The following COG5 variants were observed in gnomAD, a reference collection of about 807,000 sequenced individuals.
COG5 encodes conserved oligomeric Golgi complex subunit 5.
COG5 carries 86 observed loss-of-function variants against 110.4 expected under a neutral mutation model. That is an observed-to-expected ratio of 0.78 (90% CI 0.65 to 0.93). The LOEUF (loss-of-function observed/expected upper bound fraction) is 0.93, where lower values mean the gene tolerates loss of function less well. COG5 is among the 40% of genes least tolerant of loss of function. The pLI is 0.00. For synonymous variants in COG5, 360 were observed against 334.6 expected (o/e 1.08, Z -0.83); for missense variants, 1,077 against 987.0 (o/e 1.09, Z -1.22).
intron 5 of COG5, 41 bp from the exon 6 acceptor site, chr7:107,527,398 G>C (rs375683862): frequency 6.2e-7 from 1 of 1,606,594 alleles, no homozygotes. Flanking sequence ...GATCCATGAA[G>C]TTTTATTACT....
rs187436481 is a variant in COG5, at chr7:107,204,420, C to T, written c.2376-790G>A. ...AAGTTCGTCAGTCCCTGAACCAGAT[C>T]GTCTGTTTAAGTGGAGCTAAAAAGA... On this transcript the variant is annotated intron_variant, in intron 21 of 21. Transcript: ENST00000297135. Among the ~76,000 whole-genome samples the T allele has an allele frequency of 1.4e-4, 21 of 151,940 alleles. No individual in the cohort carries two copies. The East Asian group carries it at 2.9e-3, about 21-fold the overall frequency.
At chr7:107,351,372 G>A (rs1165606897) in intron 10 of COG5, among the ~76,000 whole-genome samples, 1 of 152,130 alleles carries the variant, frequency 6.6e-6, no homozygotes, top group East Asian at 1.9e-4. Flanking sequence ...GAAAACCCAG[G>A]CAATACCATT....
At chr7:107,406,634 A>C (rs1791858705) in intron 7 of COG5, among the ~76,000 whole-genome samples, 1 of 152,180 alleles carries the variant, frequency 6.6e-6, no homozygotes, top group African/African-American at 2.4e-5. Flanking sequence ...TAAGAGAATT[A>C]AATTAAAAAA....
At position 107,309,496 on chromosome 7, in the gene COG5, C is replaced by T. The variant is rs1007095595; in HGVS notation, c.1109-11150G>A. 5.3e-5 allele frequency among the ~76,000 whole-genome samples: 8 copies of T among 152,104 alleles called. No homozygotes were observed. In the East Asian group the frequency reaches 1.5e-3, roughly 29 times the overall value. ...GGTAGGCAGAAGCTTTTTGCAGAGC[C>T]CAGTGGGAGACACAGATAAGCTAGT... On this transcript the variant is annotated intron_variant, in intron 11 of 21. Coordinates refer to ENST00000297135, the MANE Select transcript of COG5 (RefSeq NM_006348.5).
At chr7:107,222,773 G>T (rs1800034513) in intron 19 of COG5, among the ~76,000 whole-genome samples, 1 of 152,126 alleles carries the variant, frequency 6.6e-6, no homozygotes, top group Non-Finnish European at 1.5e-5. Flanking sequence ...ATAAAATGCA[G>T]ATACACCAAA....
intron 5 of COG5, among the ~76,000 whole-genome samples, chr7:107,538,805 A>G (rs1216221812): frequency 6.6e-6 from 1 of 152,144 alleles, no homozygotes; most frequent in African/African-American, 2.4e-5. Context: ...TGTTCTTAGC[A>G]GTCTACTCAA....
chr7:107,501,619 A>G (rs1356541730), intron 6 of COG5, among the ~76,000 whole-genome samples: 2 of 152,194 alleles, frequency 1.3e-5, no homozygotes. Context: ...TGGTATGAGT[A>G]TTACCTGTTA....
At chr7:107,534,808 A>G (rs1801463135) in intron 5 of COG5, among the ~76,000 whole-genome samples, 1 of 151,610 alleles carries the variant, frequency 6.6e-6, no homozygotes, top group African/African-American at 2.4e-5. Flanking sequence ...TCAGCTCTGG[A>G]CCAAGCAGAC....
intron 11 of COG5, among the ~76,000 whole-genome samples, chr7:107,318,434 CA>C (rs1808956323): frequency 6.6e-6 from 1 of 152,144 alleles, no homozygotes; most frequent in Non-Finnish European, 1.5e-5. Flanking sequence ...ATAGCCACCC[CA>C]AGGTTTTAAA....
chr7:107,255,618 T>G (rs1802825882), intron 16 of COG5, among the ~76,000 whole-genome samples: 1 of 152,116 alleles, frequency 6.6e-6, no homozygotes, highest in Non-Finnish European at 1.5e-5. Context: ...TAGACTTTCA[T>G]CTCAATTTTA....
intron 11 of COG5, among the ~76,000 whole-genome samples, chr7:107,320,657 G>A (rs1809181821): frequency 6.6e-6 from 1 of 152,124 alleles, no homozygotes; most frequent in Non-Finnish European, 1.5e-5. Flanking sequence ...AGTAAAAGAA[G>A]ATCTATTTCA....
intron 5 of COG5, among the ~76,000 whole-genome samples, chr7:107,543,361 A>C (rs1286732358): frequency 6.6e-6 from 1 of 152,178 alleles, no homozygotes; most frequent in African/African-American, 2.4e-5. Context: ...GGAATTGAGC[A>C]CTGGACTTTG....
At chr7:107,316,920 T>C (rs1012944640) in intron 11 of COG5, among the ~76,000 whole-genome samples, 5 of 152,054 alleles carry the variant, frequency 3.3e-5, no homozygotes, top group Admixed American at 2.0e-4. Context: ...CCATATAATA[T>C]TCTGAAATAT....
intron 14 of COG5, among the ~76,000 whole-genome samples, chr7:107,261,264 A>T (rs1309188434): frequency 6.6e-6 from 1 of 151,976 alleles, no homozygotes; most frequent in African/African-American, 2.4e-5. Flanking sequence ...TATGTTCTCT[A>T]TCTGGATTTA....
At chr7:107,497,176 A>G (rs1798332860) in intron 6 of COG5, among the ~76,000 whole-genome samples, 2 of 152,138 alleles carry the variant, frequency 1.3e-5, no homozygotes, top group Admixed American at 1.3e-4. Flanking sequence ...CGCCACTGCC[A>G]CTGCACTCCA....
At chr7:107,534,107 A>G (rs944456571) in intron 5 of COG5, among the ~76,000 whole-genome samples, 4 of 151,646 alleles carry the variant, frequency 2.6e-5, no homozygotes, top group Non-Finnish European at 5.9e-5. Flanking sequence ...TTTACAGACA[A>G]GCAGATGCTG....
intron 8 of COG5, among the ~76,000 whole-genome samples, chr7:107,363,585 A>G (rs1813318713): frequency 6.6e-6 from 1 of 152,220 alleles, no homozygotes; most frequent in Non-Finnish European, 1.5e-5. Context: ...AGAATTAGAA[A>G]AAAAAATCAC....
intron 6 of COG5, among the ~76,000 whole-genome samples, chr7:107,507,837 T>C (rs1799143887): frequency 6.6e-6 from 1 of 152,188 alleles, no homozygotes; most frequent in Admixed American, 6.5e-5. Flanking sequence ...AAACTACCCC[T>C]CTCTTCCACA....
At chr7:107,343,593 A>G (rs1811350434) in intron 10 of COG5, among the ~76,000 whole-genome samples, 1 of 152,180 alleles carries the variant, frequency 6.6e-6, no homozygotes, top group Non-Finnish European at 1.5e-5. Context: ...AGGCTAGAGG[A>G]TCAGTTAAGC....
Sources: gnomAD v4.1 joint callset for allele counts (sites outside exome capture counted in the v4.1 genomes callset) on GRCh38, gnomAD v4.1.1 for gene constraint, MANE v1.5 for transcripts, NCBI Gene and HGNC (gene_info 2026-07-23, HGNC 2026-07-21) for gene names.